Variants in PRRC2C observed in about 807,000 individuals in gnomAD.
PRRC2C encodes protein PRRC2C.
A neutral mutation model predicts 317.2 loss-of-function variants in PRRC2C; 72 were observed. The observed-to-expected ratio is 0.23, with a 90% CI of 0.19 to 0.28. PRRC2C has a LOEUF of 0.28. PRRC2C is among the 10% of genes least tolerant of loss of function. The pLI is 1.00. For synonymous variants in PRRC2C, 1,296 were observed against 1,205.9 expected (o/e 1.07, Z -1.55); for missense variants, 3,074 against 3,459.7 (o/e 0.89, Z 2.80).
intron 19 of PRRC2C, 55 bp downstream of exon 19, chr1:171,558,198 T>C: frequency 4.0e-6 from 6 of 1,507,390 alleles, no homozygotes; most frequent in Non-Finnish European, 5.3e-6. Context: ...TACTGAGGTT[T>C]CTTTTCAATT....
Position 171,517,642 on chromosome 1 carries a change from C to T in PRRC2C, c.578C>T (p.Ser193Phe). The T allele has an allele frequency of 1.9e-6, 3 of 1,612,714 alleles. No individual in the cohort carries two copies. Among genetic ancestry groups the T allele is most frequent in the Non-Finnish European group, 2.5e-6 (3 of 1,179,698 alleles). The change falls in exon 6 of 35, where the codon TCT becomes TTT. Residue 193 changes from serine to phenylalanine, a missense_variant. By Grantham distance (155) the Ser-to-Phe change is radical (BLOSUM62 -2). Coordinates refer to ENST00000647382, the MANE Select transcript of PRRC2C (RefSeq NM_001387844.1). Reference sequence around the variant, plus strand: ...AAGGCTGCTGGCTCACCTTCGTCATCTGATCAAGATGAAAAGCTCCCTGGC... The same window carrying T: ...AAGGCTGCTGGCTCACCTTCGTCATTTGATCAAGATGAAAAGCTCCCTGGC... ...GGKAAGSPSS[S>F]DQDEKLPGQD...
At chr1:171,534,611 CT>C (rs1017916047) in intron 12 of PRRC2C, among the ~76,000 whole-genome samples, 8 of 148,104 alleles carry the variant, frequency 5.4e-5, no homozygotes, top group Admixed American at 1.4e-4. Flanking sequence ...ATTTTCCATT[CT>C]TTTTTTTTTG....
Position 171,532,775 on chromosome 1 carries a change from C to CAAGAAA in PRRC2C, c.1699_1704dup (p.Lys567_Glu568dup). On this transcript the variant is annotated inframe_insertion, in exon 12 of 35. Transcript: ENST00000647382. ...AAGAGAAATGGAGAAAGAAAGAAAGCAAGAAAAAGAAAAAGAACTAGAACG... is the reference window on the plus strand; with the variant it reads ...AAGAGAAATGGAGAAAGAAAGAAAGCAAGAAAAAGAAAAAGAAAAAGAACTAGAACG... 2.6e-6 allele frequency: 4 copies of CAAGAAA among 1,524,456 alleles called. No individual in the cohort carries two copies. The highest frequency in any genetic ancestry group is 3.5e-6 in the Non-Finnish European group (4 of 1,139,910). The allele number at this position is 1,524,456 out of a possible 1,614,324, so 94.4% of individuals were successfully genotyped here.
intron 14 of PRRC2C, 141 bp downstream of exon 14, chr1:171,536,419 G>A (rs1487426314): frequency 8.2e-6 from 8 of 976,774 alleles, no homozygotes; most frequent in Admixed American, 2.7e-5. Context: ...TTTCAGCATC[G>A]AGTAATTAAA....
chr1:171,568,165 A>G (rs779227299), intron 22 of PRRC2C, 82 bp from the exon 23 acceptor site: 18 of 1,462,574 alleles, frequency 1.2e-5, no homozygotes, highest in Non-Finnish European at 1.4e-5. Context: ...AGCCTGCATG[A>G]TAGCGAGACT....
chr1:171,501,139 C>T (rs1375121050), intron 1 of PRRC2C, among the ~76,000 whole-genome samples: 1 of 151,902 alleles, frequency 6.6e-6, no homozygotes, highest in East Asian at 1.9e-4. Context: ...TCAAGTGATC[C>T]TCCTGACTTG....
chr1:171,534,151 G>A (rs1017017503), intron 12 of PRRC2C, among the ~76,000 whole-genome samples: 1 of 152,070 alleles, frequency 6.6e-6, no homozygotes, highest in African/African-American at 2.4e-5. Context: ...AGGAGTATGA[G>A]TATTTTATCT....
At chr1:171,493,343 A>G (rs190488706) in intron 1 of PRRC2C, among the ~76,000 whole-genome samples, 1 of 152,316 alleles carries the variant, frequency 6.6e-6, no homozygotes, top group Admixed American at 6.5e-5. Flanking sequence ...GCAAAAAACA[A>G]AGTTCAATTA....
At chr1:171,549,508 C>T (rs1679782194) in intron 17 of PRRC2C, among the ~76,000 whole-genome samples, 1 of 151,864 alleles carries the variant, frequency 6.6e-6, no homozygotes, top group Non-Finnish European at 1.5e-5. Flanking sequence ...TTTTTTAAGG[C>T]ATTACTTCTA....
intron 23 of PRRC2C, among the ~76,000 whole-genome samples, chr1:171,569,344 C>T (rs1684280616): frequency 6.6e-6 from 1 of 151,356 alleles, no homozygotes; most frequent in Admixed American, 6.6e-5. Flanking sequence ...TTCTATTCTT[C>T]CCTCTAGCAT....
chr1:171,530,597 G>A (rs1229187768), intron 11 of PRRC2C, among the ~76,000 whole-genome samples: 4 of 151,536 alleles, frequency 2.6e-5, no homozygotes, highest in South Asian at 4.2e-4. Flanking sequence ...ATAATACGTA[G>A]TTAAACAAAA....
chr1:171,562,354 C>T (rs1166528106), intron 20 of PRRC2C, among the ~76,000 whole-genome samples: 4 of 152,082 alleles, frequency 2.6e-5, no homozygotes, highest in African/African-American at 9.7e-5. Context: ...CCTGTAGGGC[C>T]TATGGAAGAG....
chr1:171,558,380 G>GT (rs1349096535), intron 19 of PRRC2C, among the ~76,000 whole-genome samples: 1 of 140,874 alleles, frequency 7.1e-6, no homozygotes, highest in Admixed American at 6.8e-5. Context: ...GCAATGTTTG[G>GT]GGGGGTCTTG....
intron 1 of PRRC2C, among the ~76,000 whole-genome samples, chr1:171,493,267 C>T (rs1485038050): frequency 6.6e-6 from 1 of 152,158 alleles, no homozygotes; most frequent in Non-Finnish European, 1.5e-5. Context: ...ATTCATAATG[C>T]TAGATGAGCA....
chr1:171,538,320 G>A (rs576814538), intron 15 of PRRC2C, among the ~76,000 whole-genome samples: 40 of 152,228 alleles, frequency 2.6e-4, no homozygotes, highest in African/African-American at 9.4e-4. Flanking sequence ...AAATTTAGGT[G>A]TATCTACAAT....
At chr1:171,494,541 A>T (rs781777637) in intron 1 of PRRC2C, among the ~76,000 whole-genome samples, 4 of 152,142 alleles carry the variant, frequency 2.6e-5, no homozygotes, top group Non-Finnish European at 5.9e-5. Context: ...TAAGTGGCCA[A>T]TTCAACTTCT....
At position 171,579,899 on chromosome 1, in the gene PRRC2C, T is replaced by C. The variant is rs750236348; in HGVS notation, c.7344T>C (p.Ser2448=). ...PLQGQHQAQL[S]LGAGPAVSQA... ...AAGGGCAGCATCAAGCCCAACTGAG[T>C]TTGGGGGCTGGCCCTGCTGTTTCCC... is the stretch of plus-strand genomic sequence containing the variant. Residue 2448 remains serine (S), a synonymous_variant, in exon 28 of 35, where the codon AGT becomes AGC. Coordinates refer to ENST00000647382, the MANE Select transcript of PRRC2C (RefSeq NM_001387844.1). The C allele has an allele frequency of 1.2e-6, 2 of 1,600,226 alleles. No homozygotes were observed. Among genetic ancestry groups the C allele is most frequent in the South Asian group, 1.1e-5 (1 of 88,610 alleles).
intron 1 of PRRC2C, among the ~76,000 whole-genome samples, chr1:171,504,378 A>G (rs931878884): frequency 5.3e-5 from 8 of 152,114 alleles, no homozygotes; most frequent in South Asian, 4.1e-4. Flanking sequence ...AAGATTTTCT[A>G]TGTTTTCTCT....
intron 31 of PRRC2C, 48 bp from the exon 32 acceptor site, chr1:171,587,600 G>C: frequency 7.6e-7 from 1 of 1,320,228 alleles, no homozygotes; most frequent in Non-Finnish European, 1.1e-6. Flanking sequence ...ACAGCACTTA[G>C]CTTGTGGAAT....
Sources: allele counts gnomAD v4.1 joint callset (sites outside exome capture counted in the v4.1 genomes callset), GRCh38; gene constraint gnomAD v4.1.1; transcripts MANE v1.5; gene names NCBI Gene and HGNC (gene_info 2026-07-23, HGNC 2026-07-21).